Variants in RALGPS2 observed in about 807,000 individuals in gnomAD.
RALGPS2 encodes Ral GEF with PH domain and SH3 binding motif 2, also known as ras-specific guanine nucleotide-releasing factor RalGPS2.
RALGPS2 carries 43 observed loss-of-function variants against 86.8 expected under a neutral mutation model. That is an observed-to-expected ratio of 0.50 (90% CI 0.39 to 0.64). RALGPS2 has a LOEUF of 0.64. RALGPS2 is among the 30% of genes least tolerant of loss of function. The pLI, the probability that RALGPS2 is intolerant of heterozygous loss-of-function variation, is 0.00. For synonymous variants in RALGPS2, 243 were observed against 231.3 expected (o/e 1.05, Z -0.46); for missense variants, 536 against 694.6 (o/e 0.77, Z 2.57).
At chr1:178,913,218 G>T (rs560109990) in intron 19 of RALGPS2, among the ~76,000 whole-genome samples, 103 of 151,650 alleles carry the variant, frequency 6.8e-4, no homozygotes, top group Non-Finnish European at 1.2e-3. Context: ...GGAGGCAGAG[G>T]TTGCAATGAG....
intron 1 of RALGPS2, among the ~76,000 whole-genome samples, chr1:178,752,216 G>A (rs1433083480): frequency 6.6e-6 from 1 of 151,190 alleles, no homozygotes; most frequent in African/African-American, 2.4e-5. Flanking sequence ...GCCCACTGCA[G>A]CCTTGACCTC....
chr1:178,861,845 A>C (rs1265694229), intron 8 of RALGPS2, among the ~76,000 whole-genome samples: 1 of 152,124 alleles, frequency 6.6e-6, no homozygotes, highest in African/African-American at 2.4e-5. Flanking sequence ...TTCCTTTGGA[A>C]ATCAAAGGGA....
chr1:178,773,011 C>T (rs1035721707), intron 1 of RALGPS2, among the ~76,000 whole-genome samples: 5 of 152,078 alleles, frequency 3.3e-5, no homozygotes, highest in African/African-American at 4.8e-5. Flanking sequence ...CCATGTTGGC[C>T]GGCTGGTCTC....
At chr1:178,823,156 G>A (rs1306019350) in intron 7 of RALGPS2, among the ~76,000 whole-genome samples, 1 of 152,080 alleles carries the variant, frequency 6.6e-6, no homozygotes, top group Non-Finnish European at 1.5e-5. Context: ...TTAGTAATGA[G>A]GTAGATTTTG....
chr1:178,821,399 T>C (rs190120437), intron 6 of RALGPS2, among the ~76,000 whole-genome samples: 1 of 152,332 alleles, frequency 6.6e-6, no homozygotes, highest in Admixed American at 6.5e-5. Context: ...TTCCCAGAGT[T>C]TGGGGACAAT....
intron 1 of RALGPS2, among the ~76,000 whole-genome samples, chr1:178,745,305 C>T (rs116459003): frequency 0.012 from 1,827 of 152,066 alleles, 55 homozygotes; most frequent in African/African-American, 0.042. Context: ...ATGTAAAGGA[C>T]GTAGAATAGC....
rs746052727 is a variant in RALGPS2, at chr1:178,853,745, G to A, written c.607+20195G>A. On this transcript the variant is annotated intron_variant, in intron 8 of 19. Coordinates refer to ENST00000367635, the MANE Select transcript of RALGPS2 (RefSeq NM_152663.5). Reference sequence around the variant, plus strand: ...TTTAATCATATAAATCCCACTGACCGAATGCCCAGCTTCTTTTGCTTGCTG... The same window carrying A: ...TTTAATCATATAAATCCCACTGACCAAATGCCCAGCTTCTTTTGCTTGCTG... The A allele has an allele frequency of 1.8e-5, 29 of 1,602,478 alleles. No individual in the cohort carries two copies. The highest frequency in any genetic ancestry group is 3.3e-4 in the Middle Eastern group (2 of 6,060).
intron 8 of RALGPS2, among the ~76,000 whole-genome samples, chr1:178,860,684 C>T (rs1242472433): frequency 6.6e-6 from 1 of 152,192 alleles, no homozygotes; most frequent in East Asian, 1.9e-4. Flanking sequence ...TAAGTAGAGT[C>T]TCATACAGTG....
intron 10 of RALGPS2, 124 bp downstream of exon 10, chr1:178,879,116 G>A (rs1659120634): frequency 1.5e-6 from 2 of 1,358,432 alleles, no homozygotes; most frequent in Non-Finnish European, 1.9e-6. Flanking sequence ...GTGGTTTACA[G>A]CAGTAAAGGT....
At chr1:178,875,854 C>T (rs1306538362) in intron 8 of RALGPS2, among the ~76,000 whole-genome samples, 2 of 151,976 alleles carry the variant, frequency 1.3e-5, no homozygotes, top group Non-Finnish European at 2.9e-5. Flanking sequence ...GAGGCAGCAA[C>T]GATTGCATTC....
intron 2 of RALGPS2, among the ~76,000 whole-genome samples, chr1:178,777,391 G>C (rs1572321293): frequency 1.3e-5 from 2 of 152,016 alleles, no homozygotes; most frequent in African/African-American, 4.8e-5. Flanking sequence ...GGAAATAAAA[G>C]AGGATACAAA....
chr1:178,863,591 A>G (rs1378771309), intron 8 of RALGPS2, among the ~76,000 whole-genome samples: 1 of 152,196 alleles, frequency 6.6e-6, no homozygotes, highest in African/African-American at 2.4e-5. Context: ...AAGCAGTAGC[A>G]TGTGAGGTAA....
chr1:178,844,806 A>C (rs192296785), intron 8 of RALGPS2, among the ~76,000 whole-genome samples: 3 of 152,232 alleles, frequency 2.0e-5, no homozygotes, highest in African/African-American at 7.2e-5. Context: ...TATATGAAAC[A>C]TCATAAATAT....
chr1:178,826,163 A>G (rs1655735065), intron 7 of RALGPS2, among the ~76,000 whole-genome samples: 1 of 152,190 alleles, frequency 6.6e-6, no homozygotes, highest in Non-Finnish European at 1.5e-5. Context: ...ACAACATTCT[A>G]TGTAGGGAAA....
intron 2 of RALGPS2, among the ~76,000 whole-genome samples, chr1:178,780,816 C>A (rs1184506184): frequency 6.6e-6 from 1 of 152,100 alleles, no homozygotes; most frequent in Non-Finnish European, 1.5e-5. Context: ...TTTAATAAAG[C>A]CTCTCCTAAT....
At chr1:178,890,171 G>A (rs1659661243) in intron 14 of RALGPS2, among the ~76,000 whole-genome samples, 1 of 151,876 alleles carries the variant, frequency 6.6e-6, no homozygotes, top group Non-Finnish European at 1.5e-5. Flanking sequence ...AATTTTCAGA[G>A]TACACTTTTA....
intron 16 of RALGPS2, among the ~76,000 whole-genome samples, chr1:178,896,966 T>G (rs112228135): frequency 0.047 from 7,099 of 150,620 alleles, 561 homozygotes; most frequent in African/African-American, 0.17. Flanking sequence ...TAGTCCTTTG[T>G]GTATATACCC....
intron 4 of RALGPS2, among the ~76,000 whole-genome samples, chr1:178,796,176 A>G (rs1367944977): frequency 6.6e-6 from 1 of 152,150 alleles, no homozygotes; most frequent in East Asian, 1.9e-4. Flanking sequence ...AGATAGGAAA[A>G]GAAAGCTCCT....
chr1:178,855,261 T>A (rs1657452482), intron 8 of RALGPS2, among the ~76,000 whole-genome samples: 1 of 151,614 alleles, frequency 6.6e-6, no homozygotes, highest in African/African-American at 2.4e-5. Context: ...GAGACTATGA[T>A]CTCTTCCTTG....
Sources: allele counts gnomAD v4.1 joint callset (sites outside exome capture counted in the v4.1 genomes callset), GRCh38; gene constraint gnomAD v4.1.1; transcripts MANE v1.5; gene names NCBI Gene and HGNC (gene_info 2026-07-23, HGNC 2026-07-21).